Variants in ABCC4 observed in about 807,000 individuals in gnomAD.
ABCC4 encodes the protein ATP binding cassette subfamily C member 4 (PEL blood group).
Under a neutral mutation model 168.5 loss-of-function variants are expected in ABCC4, and 102 were observed. The ratio of observed to expected loss-of-function variants is 0.61; its 90% CI spans 0.52 to 0.71. ABCC4 has a LOEUF of 0.71. Among genes scored for constraint, ABCC4 ranks in the 30% least tolerant of loss-of-function variants. ABCC4 has a pLI of 0.00. For synonymous variants in ABCC4, 617 were observed against 590.7 expected (o/e 1.04, Z -0.65); for missense variants, 1,402 against 1,605.8 (o/e 0.87, Z 2.17).
At chr13:95,093,779 C>G (rs1406403140) in intron 20 of ABCC4, among the ~76,000 whole-genome samples, 1 of 151,886 alleles carries the variant, frequency 6.6e-6, no homozygotes, top group Non-Finnish European at 1.5e-5. Context: ...AGCCTAAAGA[C>G]TCCTCCAGAA....
intron 18 of ABCC4, 147 bp downstream of exon 18, chr13:95,162,975 T>C (rs895580034): frequency 9.6e-6 from 6 of 625,654 alleles, no homozygotes; most frequent in South Asian, 9.4e-5. Flanking sequence ...AAAATAATTA[T>C]TCTAATTAAT....
chr13:95,196,546 CA>C lies in ABCC4; in HGVS notation c.1162-1610del, dbSNP rs200104284. On this transcript the variant is annotated intron_variant, in intron 8 of 30. Transcript: ENST00000645237. The stretch of plus-strand genomic sequence containing the variant: ...CCTGGGCAATAGTGCAAGACCCTGT[CA>C]AAAAAAATAAAAGGAAAGGAGGAAA... Among the ~76,000 whole-genome samples, 235 of 130,006 alleles carry C rather than the reference CA, an allele frequency of 1.8e-3. 2 individuals carry two copies. Among genetic ancestry groups the C allele is most frequent in the African/African-American group, 5.9e-3 (215 of 36,368 alleles). 85.3% of individuals were successfully genotyped at this position (130,006 alleles called of 152,430 possible).
intron 9 of ABCC4, among the ~76,000 whole-genome samples, chr13:95,192,388 G>A (rs1490950591): frequency 3.3e-5 from 5 of 152,028 alleles, no homozygotes; most frequent in Non-Finnish European, 7.4e-5. Flanking sequence ...CCCAAGACAA[G>A]GCCAGAAAAC....
chr13:95,044,197 A>C (rs1366619797), intron 28 of ABCC4, 69 bp downstream of exon 28: 29 of 1,386,342 alleles, frequency 2.1e-5, no homozygotes, highest in Non-Finnish European at 2.8e-5. Flanking sequence ...ATTTCTCAGA[A>C]TCATTCCATG....
intron 19 of ABCC4, among the ~76,000 whole-genome samples, chr13:95,149,172 T>G (rs1428439992): frequency 6.6e-6 from 1 of 152,206 alleles, no homozygotes; most frequent in African/African-American, 2.4e-5. Flanking sequence ...CAACAACTAT[T>G]TATTTAATCT....
intron 25 of ABCC4, among the ~76,000 whole-genome samples, chr13:95,066,726 G>T (rs1678365): frequency 0.93 from 142,375 of 152,290 alleles, 66,650 homozygotes; most frequent in Non-Finnish European, 0.96. Context: ...GGAATGGGAC[G>T]GAAACCCAAG....
intron 18 of ABCC4, 54 bp downstream of exon 18, chr13:95,163,068 C>A: frequency 7.9e-7 from 1 of 1,263,076 alleles, no homozygotes; most frequent in Non-Finnish European, 1.2e-6. Flanking sequence ...CTCACACAGG[C>A]TCATTGTAAG....
At chr13:95,262,458 C>T (rs1246375324) in intron 1 of ABCC4, among the ~76,000 whole-genome samples, 1 of 152,172 alleles carries the variant, frequency 6.6e-6, no homozygotes, top group African/African-American at 2.4e-5. Context: ...TACACTGATC[C>T]TCTTTAGTGA....
intron 19 of ABCC4, among the ~76,000 whole-genome samples, chr13:95,127,118 G>C (rs2035808565): frequency 6.6e-6 from 1 of 151,916 alleles, no homozygotes; most frequent in Admixed American, 6.6e-5. Context: ...ACCCTCTGCA[G>C]TCCCATTCCT....
At chr13:95,117,222 G>A (rs1402371905) in intron 19 of ABCC4, among the ~76,000 whole-genome samples, 1 of 150,906 alleles carries the variant, frequency 6.6e-6, no homozygotes, top group African/African-American at 2.4e-5. Flanking sequence ...CCTCTAGAGG[G>A]TTGTCCTAGG....
intron 19 of ABCC4, among the ~76,000 whole-genome samples, chr13:95,129,869 G>A (rs552327079): frequency 2.6e-5 from 4 of 152,272 alleles, no homozygotes; most frequent in Admixed American, 6.5e-5. Flanking sequence ...GAGGTCAGGA[G>A]TTGGAGACCA....
chr13:95,196,698 A>G lies in ABCC4; in HGVS notation c.1162-1761T>C, dbSNP rs2038459128. Among the ~76,000 whole-genome samples, 3 of 87,118 alleles carry G rather than the reference A, an allele frequency of 3.4e-5. 1 individual carries two copies. The highest frequency in any genetic ancestry group is 1.1e-4 in the African/African-American group (3 of 27,442). The allele number at this position is 87,118 out of a possible 152,430, so 57.2% of individuals were successfully genotyped here. On this transcript the variant is annotated intron_variant, in intron 8 of 30. Coordinates refer to ENST00000645237, the MANE Select transcript of ABCC4 (RefSeq NM_005845.5). ...GAAGGAAGGAAGGAAGGAAGGAAGGAAGGAAGGAAGGAAGGAAGGAAGGAA... is the reference window on the plus strand; with the variant it reads ...GAAGGAAGGAAGGAAGGAAGGAAGGGAGGAAGGAAGGAAGGAAGGAAGGAA...
chr13:95,186,416 C>CA (rs2038061300), intron 11 of ABCC4, among the ~76,000 whole-genome samples: 1 of 151,836 alleles, frequency 6.6e-6, no homozygotes. Flanking sequence ...TCCACTTTTG[C>CA]AAATTTTTAT....
intron 1 of ABCC4, among the ~76,000 whole-genome samples, chr13:95,276,772 A>G (rs377291983): frequency 1.2e-3 from 189 of 152,208 alleles, no homozygotes; most frequent in African/African-American, 4.4e-3. Flanking sequence ...TAATCCCAAC[A>G]CTTTGGGAAG....
At position 95,075,337 on chromosome 13, in the gene ABCC4, G is replaced by T. The variant is rs148160982; in HGVS notation, c.2806+95C>A. 1,006 of 1,542,438 alleles carry T rather than the reference G, an allele frequency of 6.5e-4. 10 individuals are homozygous for T. The Middle Eastern group carries it at 0.021, about 31-fold the overall frequency. ...AAAGCAGGATGTGGGGCTGGGCCCTGAGGTGCCTGCCAACAAGCTCATCTG... is the reference window on the plus strand; with the variant it reads ...AAAGCAGGATGTGGGGCTGGGCCCTTAGGTGCCTGCCAACAAGCTCATCTG... On this transcript the variant is annotated intron_variant, in intron 22 of 30. Transcript: ENST00000645237.
chr13:95,103,126 G>T (rs1025096472), intron 20 of ABCC4, among the ~76,000 whole-genome samples: 1 of 151,896 alleles, frequency 6.6e-6, no homozygotes, highest in Non-Finnish European at 1.5e-5. Context: ...TTAGCCTGGC[G>T]TGGTAGCATG....
At chr13:95,124,251 G>C (rs3825415) in intron 19 of ABCC4, among the ~76,000 whole-genome samples, 70,754 of 152,002 alleles carry the variant, frequency 0.47, 17,603 homozygotes, top group South Asian at 0.68. Flanking sequence ...ACAGAAGATA[G>C]CCAAGAGATT....
At chr13:95,045,546 TA>T (rs550324469) in intron 27 of ABCC4, among the ~76,000 whole-genome samples, 221 of 152,278 alleles carry the variant, frequency 1.5e-3, no homozygotes, top group Non-Finnish European at 2.7e-3. Context: ...CAGGACACAA[TA>T]TAACATCTTG....
At chr13:95,276,613 C>A (rs2040978645) in intron 1 of ABCC4, among the ~76,000 whole-genome samples, 1 of 152,170 alleles carries the variant, frequency 6.6e-6, no homozygotes, top group Non-Finnish European at 1.5e-5. Flanking sequence ...GCCTCTCTTT[C>A]CCTCAAAGAC....
Sources: gnomAD v4.1 joint callset for allele counts (sites outside exome capture counted in the v4.1 genomes callset) on GRCh38, gnomAD v4.1.1 for gene constraint, MANE v1.5 for transcripts, NCBI Gene and HGNC (gene_info 2026-07-23, HGNC 2026-07-21) for gene names.